The following CHLSN variants were observed in gnomAD, a reference collection of about 807,000 sequenced individuals.
CHLSN encodes the protein cholesin.
the CHLSN span, chr7:1,091,425 G>A: frequency 3.0e-6 from 1 of 334,132 alleles, no homozygotes; most frequent in Non-Finnish European, 5.5e-6. Context: ...AGAGTGAGCA[G>A]CTCCACGCGG....
chr7:1,027,919 G>C, the CHLSN span, among the ~76,000 whole-genome samples: 1 of 152,208 alleles, frequency 6.6e-6, no homozygotes, highest in Non-Finnish European at 1.5e-5. Flanking sequence ...GCGCAGGGGA[G>C]CCTGGCCGGT....
the CHLSN span, chr7:1,045,599 G>C: frequency 1.3e-5 from 2 of 152,140 alleles, no homozygotes; most frequent in African/African-American, 4.8e-5. Flanking sequence ...TCCTAACTGG[G>C]GCACCGTTGA....
At chr7:1,086,079 C>G in the CHLSN span, among the ~76,000 whole-genome samples, 3 of 152,350 alleles carry the variant, frequency 2.0e-5, no homozygotes, top group Admixed American at 6.5e-5. Context: ...ATGCTGCAAG[C>G]AGGAAATCTA....
chr7:1,110,045 C>CTCCA, the CHLSN span, among the ~76,000 whole-genome samples: 1 of 151,728 alleles, frequency 6.6e-6, no homozygotes, highest in South Asian at 2.1e-4. Flanking sequence ...CTCCCGGGCC[C>CTCCA]TCCACGCCCA....
chr7:1,097,813 G>C, the CHLSN span, among the ~76,000 whole-genome samples: 1 of 152,212 alleles, frequency 6.6e-6, no homozygotes, highest in African/African-American at 2.4e-5. The surrounding 1 kb of genome is among the most constrained non-coding windows in gnomAD (Gnocchi z 4.3). Context: ...TGCGTCTCGT[G>C]CTGTCATCTA....
the CHLSN span, among the ~76,000 whole-genome samples, chr7:1,113,976 A>G: frequency 6.6e-6 from 1 of 152,350 alleles, no homozygotes; most frequent in Non-Finnish European, 1.5e-5. Flanking sequence ...CAGTGGCTCA[A>G]CTTCCCGTCG....
At chr7:983,130 G>A in the CHLSN span, 3 of 1,224,822 alleles carry the variant, frequency 2.4e-6, no homozygotes, top group South Asian at 2.0e-5. Flanking sequence ...TGGGGTGCGG[G>A]CACGCCCTCC....
the CHLSN span, among the ~76,000 whole-genome samples, chr7:1,024,082 C>T: frequency 1.2e-3 from 187 of 152,298 alleles, no homozygotes; most frequent in Middle Eastern, 0.01. Context: ...CCTTGCCGGC[C>T]TCCCAAAGTG....
At chr7:1,074,387 C>A in the CHLSN span, 16,708 of 147,146 alleles carry the variant, frequency 0.11, 1,155 homozygotes, top group Middle Eastern at 0.25. Flanking sequence ...TGCAGAGACC[C>A]GCCAGGCCCC....
At chr7:1,093,681 A>C in the CHLSN span, 5 of 469,600 alleles carry the variant, frequency 1.1e-5, no homozygotes, top group Middle Eastern at 6.5e-4. Flanking sequence ...GTGGCTGACG[A>C]ATTTGTTTCT....
chr7:978,058 G>C, the CHLSN span, among the ~76,000 whole-genome samples: 2 of 152,314 alleles, frequency 1.3e-5, no homozygotes, highest in South Asian at 4.1e-4. Flanking sequence ...CCCTCCGTTG[G>C]GGCTGCCCTA....
chr7:1,070,437 G>A, the CHLSN span, among the ~76,000 whole-genome samples: 1 of 121,356 alleles, frequency 8.2e-6, no homozygotes, highest in Non-Finnish European at 2.0e-5. Flanking sequence ...ACTGGGAAGT[G>A]AGGAGCCCCT....
the CHLSN span, chr7:1,026,819 C>G: frequency 6.6e-6 from 1 of 152,402 alleles, no homozygotes; most frequent in African/African-American, 2.4e-5. Flanking sequence ...AACAAAGCTA[C>G]GTGGATTTTC....
At chr7:983,159 T>G in the CHLSN span, 1 of 1,410,348 alleles carries the variant, frequency 7.1e-7, no homozygotes, top group Admixed American at 2.6e-5. Flanking sequence ...CCTATAAGGG[T>G]GCGGGGGGGA....
chr7:1,129,907 GCTCT>G, the CHLSN span, among the ~76,000 whole-genome samples: 661 of 152,326 alleles, frequency 4.3e-3, 5 homozygotes, highest in African/African-American at 0.015. Context: ...AAATCTGCCT[GCTCT>G]CTAATTACTG....
chr7:1,012,085 T>C, the CHLSN span, among the ~76,000 whole-genome samples: 1 of 152,216 alleles, frequency 6.6e-6, no homozygotes, highest in Non-Finnish European at 1.5e-5. Context: ...GCACAACAAC[T>C]GGCCCTGAAA....
chr7:1,115,033 G>A, the CHLSN span, among the ~76,000 whole-genome samples: 3 of 152,214 alleles, frequency 2.0e-5, no homozygotes, highest in Non-Finnish European at 4.4e-5. Flanking sequence ...TGTGGATACC[G>A]TGGGCATGTC....
chr7:1,030,333 C>T, the CHLSN span, among the ~76,000 whole-genome samples: 1 of 152,220 alleles, frequency 6.6e-6, no homozygotes, highest in Non-Finnish European at 1.5e-5. Flanking sequence ...GACCAGGTTT[C>T]TTCTCCCCGT....
At chr7:1,097,896 C>G in the CHLSN span, among the ~76,000 whole-genome samples, 1 of 152,130 alleles carries the variant, frequency 6.6e-6, no homozygotes, top group East Asian at 1.9e-4. The surrounding 1 kb of genome is among the most constrained non-coding windows in gnomAD (Gnocchi z 4.3). Context: ...AACCAGGATG[C>G]ATCAAAAATG....
Sources: gnomAD v4.1 joint callset for allele counts (sites outside exome capture counted in the v4.1 genomes callset) on GRCh38, gnomAD v4.1.1 for gene constraint, Gnocchi (gnomAD v3.1) non-coding constraint, MANE v1.5 for transcripts, NCBI Gene and HGNC (gene_info 2026-07-23, HGNC 2026-07-21) for gene names.